The following NOS1 variants were observed in gnomAD, a reference collection of about 807,000 sequenced individuals.
NOS1 encodes NOS type I.
A neutral mutation model predicts 164.5 loss-of-function variants in NOS1; 51 were observed. The observed-to-expected ratio is 0.31, with a 90% CI of 0.25 to 0.39. NOS1 has a LOEUF of 0.39. NOS1 is among the 10% of genes least tolerant of loss of function. NOS1 has a pLI of 1.00. For synonymous variants in NOS1, 719 were observed against 745.8 expected, an observed-to-expected ratio of 0.96 and a Z score of 0.59; for missense variants, 1,362 against 1,885.6, an observed-to-expected ratio of 0.72 and a Z score of 5.14.
intron 3 of NOS1, among the ~76,000 whole-genome samples, chr12:117,292,115 G>A (rs1873103616): frequency 6.6e-6 from 1 of 152,128 alleles, no homozygotes; most frequent in African/African-American, 2.4e-5. Context: ...TCAATAAATA[G>A]GCACTGGGGA....
chr12:117,288,347 A>C, intron 4 of NOS1, 128 bp from the exon 5 acceptor site: 37 of 789,200 alleles, frequency 4.7e-5, no homozygotes, highest in Non-Finnish European at 6.6e-5. Flanking sequence ...GCAGTTTCTC[A>C]AGTACCAGCT....
At chr12:117,230,258 A>G (rs1454148071) in intron 22 of NOS1, among the ~76,000 whole-genome samples, 1 of 152,240 alleles carries the variant, frequency 6.6e-6, no homozygotes, top group Non-Finnish European at 1.5e-5. Flanking sequence ...ATAAGGTACC[A>G]ACAGTACAAT....
intron 4 of NOS1, 48 bp from the exon 5 acceptor site, chr12:117,288,267 G>C (rs762492848): frequency 6.3e-7 from 1 of 1,580,922 alleles, no homozygotes; most frequent in East Asian, 2.2e-5. Context: ...ACCCAAGAGT[G>C]GCAGGTGTTA....
chr12:117,304,094 C>T (rs1873999579), intron 3 of NOS1, among the ~76,000 whole-genome samples: 1 of 151,980 alleles, frequency 6.6e-6, no homozygotes, highest in Non-Finnish European at 1.5e-5. Context: ...ATGGCGTGAA[C>T]CTGGGAGGTG....
At chr12:117,322,112 C>T (rs1874970009) in intron 2 of NOS1, among the ~76,000 whole-genome samples, 1 of 133,532 alleles carries the variant, frequency 7.5e-6, no homozygotes, top group Admixed American at 7.5e-5. Flanking sequence ...CTCTCTCCTC[C>T]CTTCCCCTTT....
intron 24 of NOS1, among the ~76,000 whole-genome samples, chr12:117,226,122 T>A (rs1868652640): frequency 6.6e-6 from 1 of 152,210 alleles, no homozygotes; most frequent in African/African-American, 2.4e-5. Flanking sequence ...ATCAATGGCA[T>A]GTGGATCATA....
At chr12:117,359,895 T>TATATATAC (rs1877048852) in intron 1 of NOS1, among the ~76,000 whole-genome samples, 1 of 38,560 alleles carries the variant, frequency 2.6e-5, no homozygotes, top group Non-Finnish European at 5.1e-5. Flanking sequence ...TATATATATA[T>TATATATAC]ATATATATAT....
At chr12:117,341,518 C>T (rs191256451) in intron 1 of NOS1, among the ~76,000 whole-genome samples, 2 of 152,276 alleles carry the variant, frequency 1.3e-5, no homozygotes, top group African/African-American at 4.8e-5. Flanking sequence ...CTAGTTCGGC[C>T]AACGGGAGAC....
chr12:117,274,769 C>CAAAAAAAAAAAA (rs71099039), intron 9 of NOS1, among the ~76,000 whole-genome samples: 1 of 77,016 alleles, frequency 1.3e-5, no homozygotes, highest in Non-Finnish European at 2.2e-5. Context: ...CTCCGTCTCA[C>CAAAAAAAAAAAA]AAAAAAAAAA....
Position 117,210,323 on chromosome 12 carries a change from G to A in NOS1, c.*4986C>T. 1.0e-6 allele frequency: 1 copy of A among 985,236 alleles called. No individual in the cohort carries two copies. The highest frequency in any genetic ancestry group is 1.7e-5 in the African/African-American group (1 of 57,284). The allele number at this position is 985,236 out of a possible 1,614,324, so 61.0% of individuals were successfully genotyped here. A position where few individuals can be genotyped will look rare whatever the true frequency, so the allele number is the denominator to read the frequency against. On this transcript the variant is annotated 3_prime_UTR_variant, in exon 29 of 29. Transcript: ENST00000317775. The stretch of plus-strand genomic sequence containing the variant: ...ACATTTGGATGCAGGAGACTATGAA[G>A]GTTGGGGACAGCCAGAGAGTATGAA...
At chr12:117,223,262 CA>C (rs1344525932) in intron 25 of NOS1, among the ~76,000 whole-genome samples, 1 of 151,390 alleles carries the variant, frequency 6.6e-6, no homozygotes, top group Non-Finnish European at 1.5e-5. Flanking sequence ...ACAACTTACT[CA>C]ACTTTTTTTT....
chr12:117,318,899 T>C (rs180719647), intron 2 of NOS1, among the ~76,000 whole-genome samples: 112 of 152,232 alleles, frequency 7.4e-4, no homozygotes, highest in Non-Finnish European at 1.2e-3. Context: ...CCAACAGCCT[T>C]GGTTTCTGCC....
intron 3 of NOS1, among the ~76,000 whole-genome samples, chr12:117,297,266 G>A (rs991809087): frequency 6.6e-6 from 1 of 152,210 alleles, no homozygotes; most frequent in African/African-American, 2.4e-5. Context: ...GAATGCAGCT[G>A]CAGGGGCAGC....
chr12:117,225,252 C>A (rs964973103), intron 24 of NOS1, 115 bp from the exon 25 acceptor site: 3 of 1,381,884 alleles, frequency 2.2e-6, no homozygotes, highest in African/African-American at 2.9e-5. Flanking sequence ...AGACTTAAGG[C>A]TCTTCAGCCG....
At position 117,307,336 on chromosome 12, in the gene NOS1, G is replaced by C. The variant is rs538346792; in HGVS notation, c.852+4130C>G. 3.3e-5 allele frequency among the ~76,000 whole-genome samples: 5 copies of C among 152,138 alleles called. 1 individual carries two copies. In the South Asian group the frequency reaches 1.0e-3, roughly 32 times the overall value. On this transcript the variant is annotated intron_variant, in intron 3 of 28. Coordinates refer to ENST00000317775, the MANE Select transcript of NOS1 (RefSeq NM_000620.5). ...GAAAGACTTTTGTGTGTGTAGAAAT[G>C]AAGAATGTTGTTAGGTGCTTTTTTT...
intron 2 of NOS1, among the ~76,000 whole-genome samples, chr12:117,317,897 C>T (rs980759971): frequency 2.6e-5 from 4 of 152,134 alleles, no homozygotes; most frequent in Admixed American, 2.0e-4. Flanking sequence ...CCTGGCCCGG[C>T]ATGGTGACTC....
rs1210347016 is a variant in NOS1 at position 117,272,974 on chromosome 12, T to TG, written c.1665-416dup. On this transcript the variant is annotated intron_variant, in intron 9 of 28. Coordinates refer to ENST00000317775, the MANE Select transcript of NOS1 (RefSeq NM_000620.5). This position sits in a 1 kb window ranked among gnomAD's most constrained non-coding sequence, Gnocchi z 4.3. ...AAACTTCTTCTTTCTTTCTTTTTTT[T>TG]GGGGGGTAGGGGAATGCAGTCTCGC... Among the ~76,000 whole-genome samples, 1 of 152,098 alleles carries TG rather than the reference T, an allele frequency of 6.6e-6. No individual in the cohort carries two copies. Among genetic ancestry groups the TG allele is most frequent in the African/African-American group, 2.4e-5 (1 of 41,412 alleles).
At chr12:117,258,925 G>T (rs1871671875) in intron 15 of NOS1, 101 bp downstream of exon 15, 2 of 754,542 alleles carry the variant, frequency 2.7e-6, no homozygotes, top group Non-Finnish European at 4.5e-6. Flanking sequence ...CTCTGGGAGG[G>T]TTTGCTACTG....
chr12:117,289,678 C>T (rs551441757), intron 4 of NOS1, among the ~76,000 whole-genome samples: 2 of 152,164 alleles, frequency 1.3e-5, no homozygotes, highest in South Asian at 4.1e-4. Context: ...CTCTTTTTTA[C>T]AGACTAAGAG....
Sources: gnomAD v4.1 joint callset for allele counts (sites outside exome capture counted in the v4.1 genomes callset) on GRCh38, gnomAD v4.1.1 for gene constraint, Gnocchi (gnomAD v3.1) non-coding constraint, MANE v1.5 for transcripts, NCBI Gene and HGNC (gene_info 2026-07-23, HGNC 2026-07-21) for gene names.